CSE1L: variants seen among roughly 807,000 people sequenced by gnomAD.
CSE1L encodes the protein chromosome segregation 1 like.
Under a neutral mutation model 120.4 loss-of-function variants are expected in CSE1L, and 24 were observed. The ratio of observed to expected loss-of-function variants is 0.20; its 90% CI spans 0.14 to 0.28. CSE1L has a LOEUF of 0.28. Among genes scored for constraint, CSE1L ranks in the 10% least tolerant of loss-of-function variants. CSE1L has a pLI of 1.00. For synonymous variants in CSE1L, 402 were observed against 398.3 expected (o/e 1.01, Z -0.11); for missense variants, 830 against 1,145.2 (o/e 0.72, Z 3.97).
At chr20:49,068,384 C>T (rs989637644) in intron 6 of CSE1L, among the ~76,000 whole-genome samples, 2 of 152,028 alleles carry the variant, frequency 1.3e-5, no homozygotes, top group African/African-American at 2.4e-5. Flanking sequence ...GTCAGGAGAT[C>T]GAGACCACCA....
At chr20:49,078,690 C>T (rs373958738) in intron 14 of CSE1L, 68 bp downstream of exon 14, 191 of 1,009,852 alleles carry the variant, frequency 1.9e-4, no homozygotes, top group Middle Eastern at 1.1e-3. Context: ...ACCACCTTCT[C>T]ATCTACTGTG....
chr20:49,083,252 C>T (rs1174204384), intron 14 of CSE1L, among the ~76,000 whole-genome samples: 2 of 151,720 alleles, frequency 1.3e-5, no homozygotes, highest in Non-Finnish European at 2.9e-5. Context: ...ATCTCATGAC[C>T]TCGTGATCTA....
chr20:49,093,926 AAAG>A (rs1160297724), intron 22 of CSE1L, among the ~76,000 whole-genome samples: 1 of 152,076 alleles, frequency 6.6e-6, no homozygotes, highest in Non-Finnish European at 1.5e-5. Flanking sequence ...TCAAAAAAAA[AAAG>A]AAAAGAAAAA....
intron 1 of CSE1L, among the ~76,000 whole-genome samples, chr20:49,053,176 A>T (rs748394796): frequency 2.8e-5 from 4 of 141,694 alleles, no homozygotes; most frequent in African/African-American, 7.9e-5. Flanking sequence ...TTTTTTAAAG[A>T]CAAAATAGAT....
chr20:49,047,965 A>G (rs1600578067), intron 1 of CSE1L, among the ~76,000 whole-genome samples: 1 of 152,088 alleles, frequency 6.6e-6, no homozygotes, highest in African/African-American at 2.4e-5. Flanking sequence ...TGTCTTGCTT[A>G]CTTCTCTCTC....
chr20:49,077,084 CTT>C lies in CSE1L; in HGVS notation c.1420+26_1420+27del. The C allele has an allele frequency of 1.3e-6, 2 of 1,516,114 alleles. No individual in the cohort carries two copies. The highest frequency in any genetic ancestry group is 1.8e-6 in the Non-Finnish European group (2 of 1,106,384). 93.9% of individuals were successfully genotyped at this position (1,516,114 alleles called of 1,614,324 possible). ...CTAATGGTGAGTTGTGAAATTCTTGCTTTTTTTACAGCTTGCCACACTATACC... is the reference window on the plus strand; with the variant it reads ...CTAATGGTGAGTTGTGAAATTCTTGCTTTTTACAGCTTGCCACACTATACC... On this transcript the variant is annotated intron_variant, in intron 13 of 24. Transcript: ENST00000262982.
At chr20:49,080,668 G>T (rs1433345343) in intron 14 of CSE1L, among the ~76,000 whole-genome samples, 3 of 152,000 alleles carry the variant, frequency 2.0e-5, no homozygotes, top group Non-Finnish European at 4.4e-5. Context: ...TAGAGACGGG[G>T]TTTCTCCATG....
chr20:49,087,166 G>A (rs888411184), intron 16 of CSE1L, among the ~76,000 whole-genome samples: 4 of 151,848 alleles, frequency 2.6e-5, no homozygotes, highest in Non-Finnish European at 5.9e-5. Flanking sequence ...ATGGTCTTTT[G>A]AGCAATATTT....
Position 49,089,614 on chromosome 20 carries a change from G to A in CSE1L, c.2049G>A (p.Met683Ile). The A allele has an allele frequency of 6.2e-7, 1 of 1,614,076 alleles. No homozygotes were observed. The highest frequency in any genetic ancestry group is 8.5e-7 in the Non-Finnish European group (1 of 1,179,992). The change falls in exon 19 of 25, where the codon ATG becomes ATA. Residue 683 changes from methionine (M) to isoleucine (I), a missense_variant. Coordinates refer to ENST00000262982, the MANE Select transcript of CSE1L (RefSeq NM_001316.4). ...AAAATGACATCCCGTCTTCCTATAT[G>A]GCCTTATTTCCTCATCTCCTTCAGC... The part of the protein sequence containing the change: ...THKNDIPSSY[M>I]ALFPHLLQPV...
chr20:49,069,744 A>G (rs750782251), intron 7 of CSE1L, among the ~76,000 whole-genome samples: 20 of 152,234 alleles, frequency 1.3e-4, no homozygotes, highest in Non-Finnish European at 2.5e-4. Context: ...CAGGGAGACC[A>G]AGGAAAGAGG....
intron 1 of CSE1L, among the ~76,000 whole-genome samples, chr20:49,052,520 G>A (rs2091775106): frequency 6.6e-6 from 1 of 152,178 alleles, no homozygotes; most frequent in African/African-American, 2.4e-5. Context: ...AGAACAGAAG[G>A]CTTTTGTGCC....
intron 8 of CSE1L, 24 bp from the exon 9 acceptor site, chr20:49,072,262 A>G: frequency 6.2e-7 from 1 of 1,609,970 alleles, no homozygotes; most frequent in African/African-American, 1.3e-5. Context: ...TGTATGTTGG[A>G]GTTTTTGTTT....
At chr20:49,082,708 A>G (rs1240891749) in intron 14 of CSE1L, among the ~76,000 whole-genome samples, 2 of 151,568 alleles carry the variant, frequency 1.3e-5, no homozygotes, top group East Asian at 3.9e-4. Flanking sequence ...TTTTTAGTAG[A>G]GACGGGGTTT....
At position 49,073,289 on chromosome 20, in the gene CSE1L, ATT is replaced by A. The variant is rs1487456555; in HGVS notation, c.1066+594_1066+595del. Among the ~76,000 whole-genome samples the A allele has an allele frequency of 1.5e-4, 23 of 152,318 alleles. No homozygotes were observed. In the East Asian group the frequency reaches 4.2e-3, roughly 28 times the overall value. On this transcript the variant is annotated intron_variant, in intron 10 of 24. Transcript: ENST00000262982. ...TAGCCTCCCAAAGTGCTGGGATTGC[ATT>A]TCTGAGCCACCTCGCCCAGAAATAG...
chr20:49,087,351 C>CTT (rs11483071), intron 16 of CSE1L, among the ~76,000 whole-genome samples: 4,250 of 116,224 alleles, frequency 0.037, 261 homozygotes, highest in African/African-American at 0.11. Flanking sequence ...TTTTCTTTTT[C>CTT]TTTTTTTTTT....
Position 49,096,360 on chromosome 20 carries a change from G to C in CSE1L, c.2838G>C (p.Met946Ile). 6.2e-7 allele frequency: 1 copy of C among 1,613,914 alleles called. No individual in the cohort carries two copies. Among genetic ancestry groups the C allele is most frequent in the Non-Finnish European group, 8.5e-7 (1 of 1,179,834 alleles). ...CCCATCTCTTGTAGGTTCCATCAATGGTGAGCACCAGCCTGAATGCAGAAG... is the reference window on the plus strand; with the variant it reads ...CCCATCTCTTGTAGGTTCCATCAATCGTGAGCACCAGCCTGAATGCAGAAG... ...STACPGRVPS[M>I]VSTSLNAEAL... Residue 946 changes from methionine (M) to isoleucine (I), a missense_variant, in exon 25 of 25, where the codon ATG becomes ATC. Coordinates refer to ENST00000262982, the MANE Select transcript of CSE1L (RefSeq NM_001316.4).
chr20:49,076,512 C>T (rs1187429539), intron 12 of CSE1L, among the ~76,000 whole-genome samples: 5 of 141,930 alleles, frequency 3.5e-5, no homozygotes, highest in East Asian at 2.1e-4. Flanking sequence ...TGAAGTGTCC[C>T]TCTCTCTCTT....
At chr20:49,084,290 CTG>C (rs756085788) in intron 15 of CSE1L, 128 bp downstream of exon 15, 38 of 944,660 alleles carry the variant, frequency 4.0e-5, no homozygotes, top group Admixed American at 8.2e-5. Context: ...CCTTTATACT[CTG>C]TTTCATTCTA....
chr20:49,066,111 A>G (rs2091890307), intron 3 of CSE1L, 81 bp from the exon 4 acceptor site: 1 of 1,195,316 alleles, frequency 8.4e-7, no homozygotes, highest in Non-Finnish European at 1.2e-6. Flanking sequence ...GTAAATAAAA[A>G]AACAGTTATG....
Sources: allele counts gnomAD v4.1 joint callset (sites outside exome capture counted in the v4.1 genomes callset), GRCh38; gene constraint gnomAD v4.1.1; transcripts MANE v1.5; gene names NCBI Gene and HGNC (gene_info 2026-07-23, HGNC 2026-07-21).